NALF1: variants seen among roughly 807,000 people sequenced by gnomAD.
NALF1 encodes the protein NALCN channel auxiliary factor 1.
A neutral mutation model predicts 48.4 loss-of-function variants in NALF1; 3 were observed. That is an observed-to-expected ratio of 0.06 (90% CI 0.03 to 0.16). The LOEUF is 0.16. NALF1 is among the 10% of genes least tolerant of loss of function. The pLI is 1.00. For missense variants in NALF1, 526 were observed against 571.5 expected (o/e 0.92, Z 0.81); for synonymous variants, 262 against 245.7 (o/e 1.07, Z -0.62).
chr13:107,797,158 G>T (rs1878450416), intron 1 of NALF1, among the ~76,000 whole-genome samples: 1 of 152,070 alleles, frequency 6.6e-6, no homozygotes, highest in South Asian at 2.1e-4. Context: ...ATGGCGTTTT[G>T]TTTTTTTATT....
At chr13:107,335,738 G>A (rs1375432636) in intron 1 of NALF1, among the ~76,000 whole-genome samples, 1 of 152,176 alleles carries the variant, frequency 6.6e-6, no homozygotes, top group Non-Finnish European at 1.5e-5. Flanking sequence ...GGAAAAGGAA[G>A]GGCAGATGGC....
At chr13:107,634,018 CAG>C (rs10533600) in intron 1 of NALF1, among the ~76,000 whole-genome samples, 49,523 of 150,492 alleles carry the variant, frequency 0.33, 9,101 homozygotes, top group East Asian at 0.51. Flanking sequence ...CTATTATGTG[CAG>C]AGTTATTTGA....
At chr13:107,293,224 C>T (rs887203053) in intron 1 of NALF1, among the ~76,000 whole-genome samples, 5 of 151,950 alleles carry the variant, frequency 3.3e-5, no homozygotes, top group Non-Finnish European at 7.4e-5. Context: ...TCATGATCCA[C>T]CCACCTTGGC....
At chr13:107,287,095 C>T (rs1881510544) in intron 1 of NALF1, among the ~76,000 whole-genome samples, 1 of 152,180 alleles carries the variant, frequency 6.6e-6, no homozygotes. Context: ...GACATGCACG[C>T]ATAAACAGTA....
chr13:107,496,532 T>C (rs972600520), intron 1 of NALF1, among the ~76,000 whole-genome samples: 1 of 152,118 alleles, frequency 6.6e-6, no homozygotes, highest in African/African-American at 2.4e-5. Flanking sequence ...GCCAGTCAGG[T>C]GAAATTTCTG....
intron 1 of NALF1, among the ~76,000 whole-genome samples, chr13:107,826,447 A>T (rs187203160): frequency 6.7e-6 from 1 of 149,782 alleles, no homozygotes; most frequent in Non-Finnish European, 1.5e-5. Context: ...TTAAAACAGA[A>T]GAGAGGGGCA....
At chr13:107,837,816 C>CA (rs996911269) in intron 1 of NALF1, among the ~76,000 whole-genome samples, 1 of 151,802 alleles carries the variant, frequency 6.6e-6, no homozygotes, top group African/African-American at 2.4e-5. Context: ...GTTCTTTCTG[C>CA]AAAAAAGCCT....
At chr13:107,698,440 TACTA>T (rs1003916883) in intron 1 of NALF1, among the ~76,000 whole-genome samples, 1 of 152,134 alleles carries the variant, frequency 6.6e-6, no homozygotes, top group Non-Finnish European at 1.5e-5. Context: ...TTCACCATAG[TACTA>T]ACTAGTGTCA....
At chr13:107,482,601 A>G (rs1345568822) in intron 1 of NALF1, among the ~76,000 whole-genome samples, 2 of 152,210 alleles carry the variant, frequency 1.3e-5, no homozygotes, top group Non-Finnish European at 2.9e-5. Context: ...TGAGAAATAA[A>G]CATAGCTTTC....
At chr13:107,687,464 GAA>G (rs1197143308) in intron 1 of NALF1, among the ~76,000 whole-genome samples, 2 of 105,942 alleles carry the variant, frequency 1.9e-5, no homozygotes. Flanking sequence ...AATCTAAAAA[GAA>G]AAAAAAAAAA....
intron 1 of NALF1, among the ~76,000 whole-genome samples, chr13:107,661,635 T>A (rs537256675): frequency 8.0e-4 from 122 of 152,278 alleles, no homozygotes; most frequent in Non-Finnish European, 1.1e-3. Flanking sequence ...TTAATTAGCA[T>A]TACATAATGT....
chr13:107,313,964 G>C (rs968159657), intron 1 of NALF1, among the ~76,000 whole-genome samples: 1 of 152,146 alleles, frequency 6.6e-6, no homozygotes, highest in Non-Finnish European at 1.5e-5. Context: ...TCCTGAGGCT[G>C]TATCAGGGGT....
chr13:107,258,048 T>G (rs922809870), intron 1 of NALF1, among the ~76,000 whole-genome samples: 2 of 152,184 alleles, frequency 1.3e-5, no homozygotes, highest in East Asian at 1.9e-4. Context: ...CCAGTTCATA[T>G]TGAATGGGAG....
intron 1 of NALF1, among the ~76,000 whole-genome samples, chr13:107,633,747 C>CAT (rs1879896405): frequency 6.9e-6 from 1 of 145,682 alleles, no homozygotes; most frequent in East Asian, 2.0e-4. Flanking sequence ...ATATGAAACA[C>CAT]ATATATATGG....
chr13:107,635,778 T>TA (rs1224467806), intron 1 of NALF1, among the ~76,000 whole-genome samples: 1 of 152,148 alleles, frequency 6.6e-6, no homozygotes, highest in African/African-American at 2.4e-5. Flanking sequence ...TAGTTGCAGT[T>TA]ATTAGCAATA....
chr13:107,445,958 TA>T (rs762031619), intron 1 of NALF1, among the ~76,000 whole-genome samples: 8 of 152,152 alleles, frequency 5.3e-5, no homozygotes, highest in Admixed American at 3.3e-4. Flanking sequence ...TTTTTTTTTT[TA>T]GATGGAATCT....
intron 1 of NALF1, among the ~76,000 whole-genome samples, chr13:107,803,134 T>C (rs535091374): frequency 1.4e-4 from 21 of 152,278 alleles, no homozygotes; most frequent in Admixed American, 2.6e-4. Flanking sequence ...GGAATGACCA[T>C]CGCAGACATG....
chr13:107,663,994 C>A (rs1480014499), intron 1 of NALF1, among the ~76,000 whole-genome samples: 1 of 152,102 alleles, frequency 6.6e-6, no homozygotes, highest in Non-Finnish European at 1.5e-5. Context: ...TGATGACTCC[C>A]AAATGTATAC....
chr13:107,650,610 C>A (rs1213638816), intron 1 of NALF1, among the ~76,000 whole-genome samples: 4 of 151,834 alleles, frequency 2.6e-5, no homozygotes, highest in Admixed American at 2.6e-4. Flanking sequence ...GGGAAAAAAA[C>A]TGCAAATATG....
Sources: allele counts gnomAD v4.1 joint callset (sites outside exome capture counted in the v4.1 genomes callset), GRCh38; gene constraint gnomAD v4.1.1; transcripts MANE v1.5; gene names NCBI Gene and HGNC (gene_info 2026-07-23, HGNC 2026-07-21).